Variants in KCNN4 observed in about 807,000 individuals in gnomAD.
The protein encoded by KCNN4 is intermediate conductance calcium-activated potassium channel protein 4.
Under a neutral mutation model 45.2 loss-of-function variants are expected in KCNN4, and 31 were observed. The ratio of observed to expected loss-of-function variants is 0.69; its 90% CI spans 0.52 to 0.92. The LOEUF is 0.92. Ranked by LOEUF, KCNN4 falls within the 40% of genes least tolerant of loss-of-function variation. The probability of loss-of-function intolerance (pLI) is 0.00; values close to 1 mark genes in which losing one functional copy is unlikely to be tolerated. For missense variants in KCNN4, 463 were observed against 574.0 expected (o/e 0.81, Z 1.98); for synonymous variants, 231 against 254.6 (o/e 0.91, Z 0.88).
intron 3 of KCNN4, among the ~76,000 whole-genome samples, chr19:43,773,134 T>C (rs1369604921): frequency 2.0e-5 from 3 of 152,206 alleles, no homozygotes; most frequent in African/African-American, 7.2e-5. Context: ...TGGTCTCTAC[T>C]AAAAATACAA....
Position 43,769,392 on chromosome 19 carries a change from A to T in KCNN4, c.1049+50T>A. On this transcript the variant is annotated intron_variant, in intron 6 of 8. Coordinates refer to ENST00000648319, the MANE Select transcript of KCNN4 (RefSeq NM_002250.3). This position sits in a 1 kb window ranked among gnomAD's most constrained non-coding sequence, Gnocchi z 4.4. ...ACACACACAGCCGTGCAGAGAGGTG[A>T]CTTGGACATGGGTGCACATGGACAC... 1 of 1,436,700 alleles carries T rather than the reference A, an allele frequency of 7.0e-7. No individual in the cohort carries two copies. The highest frequency in any genetic ancestry group is 9.8e-7 in the Non-Finnish European group (1 of 1,022,248). The allele number at this position is 1,436,700 out of a possible 1,614,324, so 89.0% of individuals were successfully genotyped here. A position where few individuals can be genotyped will look rare whatever the true frequency, so the allele number is the denominator to read the frequency against.
chr19:43,780,143 G>C (rs946605462), intron 1 of KCNN4, among the ~76,000 whole-genome samples: 1 of 152,018 alleles, frequency 6.6e-6, no homozygotes, highest in Admixed American at 6.5e-5. Flanking sequence ...ATTGGCTCTT[G>C]GGGGGCTTGA....
At chr19:43,776,467 G>A (rs1259022065) in intron 2 of KCNN4, 74 bp downstream of exon 2, 2 of 988,244 alleles carry the variant, frequency 2.0e-6, no homozygotes, top group African/African-American at 1.6e-5. Flanking sequence ...AGGAGGAGGA[G>A]GGTGGAAAGT....
In KCNN4 at chr19:43,772,060, A is replaced by G. The variant is rs983479464; in HGVS notation, c.759T>C (p.Tyr253=). The G allele has an allele frequency of 1.2e-6, 2 of 1,613,632 alleles. No homozygotes were observed. The highest frequency in any genetic ancestry group is 3.3e-5 in the Admixed American group (2 of 59,848). The part of the protein sequence containing the change: ...LIPITFLTIG[Y]GDVVPGTMWG... ...ACATGGTGCCCGGCACCACGTCACC[A>G]TAGCCGATGGTCAGGAATGTGATGG... The change falls in exon 4 of 9, where the codon TAT becomes TAC. Residue 253 remains tyrosine, a synonymous_variant. Coordinates refer to ENST00000648319, the MANE Select transcript of KCNN4 (RefSeq NM_002250.3). This position sits in a 1 kb window ranked among gnomAD's most constrained non-coding sequence, Gnocchi z 4.4.
intron 4 of KCNN4, among the ~76,000 whole-genome samples, chr19:43,771,418 G>T (rs1969639807): frequency 1.3e-5 from 2 of 152,306 alleles, no homozygotes; most frequent in Admixed American, 6.5e-5. Flanking sequence ...GATGAGGAAA[G>T]TGAGGCCCCG....
chr19:43,767,820 T>C (rs762303133), intron 7 of KCNN4, 113 bp from the exon 8 acceptor site: 724 of 1,284,512 alleles, frequency 5.6e-4, no homozygotes, highest in Non-Finnish European at 7.4e-4. Context: ...CTCTGAGGAT[T>C]ACCCTCGACA....
rs534069449 is a variant in KCNN4, at chr19:43,767,069, C to A, written c.*24G>T. ...ACCACCTCAGTACTGGGGAAAGTAG[C>A]CTGGTTCCTCCTCGTGGGTCCTGGA... is the stretch of plus-strand genomic sequence containing the variant. On this transcript the variant is annotated 3_prime_UTR_variant, in exon 9 of 9. Coordinates refer to ENST00000648319, the MANE Select transcript of KCNN4 (RefSeq NM_002250.3). 4 of 173,468 alleles carry A rather than the reference C, an allele frequency of 2.3e-5. No individual in the cohort carries two copies. The highest frequency in any genetic ancestry group is 2.7e-3 in the Middle Eastern group (1 of 366). 10.7% of individuals were successfully genotyped at this position (173,468 alleles called of 1,614,324 possible). A position where few individuals can be genotyped will look rare whatever the true frequency, so the allele number is the denominator to read the frequency against.
Position 43,774,546 on chromosome 19 carries a change from A to G in KCNN4, c.329T>C (p.Leu110Pro). ...LTGRQAAQIV[L>P]ELVVCGLHPA... ...GTGCAGCCCACACACCACCAGCTCC[A>G]GCACGATCTGCGCCGCCTGCCGCCC... is the stretch of plus-strand genomic sequence containing the variant. The change falls in exon 3 of 9, where the codon CTG becomes CCG. Residue 110 changes from leucine (L) to proline (P), a missense_variant. Physicochemically the swap from Leu to Pro is moderately conservative, Grantham distance 98. Around this residue, in one of 3 missense-constraint regions of KCNN4, gnomAD observed 225 missense variants for 240.9 expected, o/e 0.93. Transcript: ENST00000648319. The surrounding 1 kb of genome is among the most constrained non-coding windows in gnomAD (Gnocchi z 5.6). The G allele has an allele frequency of 6.3e-7, 1 of 1,582,628 alleles. No homozygotes were observed. The highest frequency in any genetic ancestry group is 8.5e-7 in the Non-Finnish European group (1 of 1,170,686).
chr19:43,779,310 G>T (rs531866913), intron 1 of KCNN4, among the ~76,000 whole-genome samples: 26 of 152,114 alleles, frequency 1.7e-4, no homozygotes, highest in Non-Finnish European at 3.7e-4. Flanking sequence ...TGGGAGCGGC[G>T]GGCAGGCCCC....
rs1969565578 is a variant in KCNN4, at chr19:43,769,210, A to G, written c.1050-178T>C. The G allele has an allele frequency of 2.8e-6, 2 of 724,466 alleles. No individual in the cohort carries two copies. The highest frequency in any genetic ancestry group is 2.8e-4 in the Middle Eastern group (1 of 3,522). 44.9% of individuals were successfully genotyped at this position (724,466 alleles called of 1,614,324 possible). ...TGCCTCCCCACGAGCCCCCATCCCC[A>G]GTAGAAACCCAGGTACCCAGGTCCG... is the stretch of plus-strand genomic sequence containing the variant. On this transcript the variant is annotated intron_variant, in intron 6 of 8. Coordinates refer to ENST00000648319, the MANE Select transcript of KCNN4 (RefSeq NM_002250.3). This position sits in a 1 kb window ranked among gnomAD's most constrained non-coding sequence, Gnocchi z 4.4.
At position 43,772,169 on chromosome 19, in the gene KCNN4, A is replaced by G; in HGVS notation, c.684-34T>C. 1 of 1,607,340 alleles carries G rather than the reference A, an allele frequency of 6.2e-7. No individual in the cohort carries two copies. The highest frequency in any genetic ancestry group is 8.5e-7 in the Non-Finnish European group (1 of 1,177,702). ...AAGGGTAGGTTAGTTCTAAAACCCCACCATAGAGGTTTCCATGATATTCAC... is the reference window on the plus strand; with the variant it reads ...AAGGGTAGGTTAGTTCTAAAACCCCGCCATAGAGGTTTCCATGATATTCAC... On this transcript the variant is annotated intron_variant, in intron 3 of 8. Transcript: ENST00000648319. The surrounding 1 kb of genome is among the most constrained non-coding windows in gnomAD (Gnocchi z 4.4).
chr19:43,774,631 G>C lies in KCNN4; in HGVS notation c.256-12C>G. The C allele has an allele frequency of 6.7e-7, 1 of 1,487,136 alleles. No individual in the cohort carries two copies. The highest frequency in any genetic ancestry group is 8.9e-7 in the Non-Finnish European group (1 of 1,127,416). 92.1% of individuals were successfully genotyped at this position (1,487,136 alleles called of 1,614,324 possible). ...TCGGTCATGAACAGCTGCCGGTAGGGGGCCAAGAAGGGAGGGGTCAGGAGC... is the reference window on the plus strand; with the variant it reads ...TCGGTCATGAACAGCTGCCGGTAGGCGGCCAAGAAGGGAGGGGTCAGGAGC... On this transcript the variant is annotated splice_polypyrimidine_tract_variant and intron_variant, in intron 2 of 8. Transcript: ENST00000648319. This position sits in a 1 kb window ranked among gnomAD's most constrained non-coding sequence, Gnocchi z 5.6.
chr19:43,776,816 G>A, intron 1 of KCNN4, 180 bp from the exon 2 acceptor site: 1 of 598,296 alleles, frequency 1.7e-6, no homozygotes, highest in South Asian at 1.9e-5. Flanking sequence ...CCATCATCTG[G>A]GCCCAGTGCG....
rs1447237637 is a variant in KCNN4, at chr19:43,774,419, C to T, written c.456G>A (p.Leu152=). The change falls in exon 3 of 9, where the codon CTG becomes CTA. Residue 152 remains leucine (L), a synonymous_variant. Coordinates refer to ENST00000648319, the MANE Select transcript of KCNN4 (RefSeq NM_002250.3). This position sits in a 1 kb window ranked among gnomAD's most constrained non-coding sequence, Gnocchi z 5.6. The part of the protein sequence containing the change: ...PGFLGQGEAL[L]SLAMLLRLYL... The stretch of plus-strand genomic sequence containing the variant: ...AGAGACGCAGCAGCATGGCCAGGGA[C>T]AGCAGCGCTTCCCCTTGGCCCAGGA... 3 of 1,597,186 alleles carry T rather than the reference C, an allele frequency of 1.9e-6. No individual in the cohort carries two copies. Among genetic ancestry groups the T allele is most frequent in the Non-Finnish European group, 2.6e-6 (3 of 1,172,074 alleles).
chr19:43,780,901 G>A lies in KCNN4; in HGVS notation c.-40C>T. 1 of 1,607,056 alleles carries A rather than the reference G, an allele frequency of 6.2e-7. No individual in the cohort carries two copies. The highest frequency in any genetic ancestry group is 1.1e-5 in the South Asian group (1 of 90,816). On this transcript the variant is annotated 5_prime_UTR_variant, in exon 1 of 9. Coordinates refer to ENST00000648319, the MANE Select transcript of KCNN4 (RefSeq NM_002250.3). ...TGGGGCTCAGCCAGCTTCCTGCCCA[G>A]GGTCCCCCACCTCGCAGCACGCACA...
rs1212116986 is a variant in KCNN4, at chr19:43,780,702, C to A, written c.159+1G>T. ...GCTCCCAGCCACCATGCCCCACTCA[C>A]CGAGCACCCCCCGAACCACAGCATC... On this transcript the variant is annotated splice_donor_variant, in intron 1 of 8. Transcript: ENST00000648319. LOFTEE classifies it high-confidence loss of function. 6.2e-7 allele frequency: 1 copy of A among 1,612,612 alleles called. No individual in the cohort carries two copies. The highest frequency in any genetic ancestry group is 2.2e-5 in the East Asian group (1 of 44,812).
rs1012588010 is a variant in KCNN4, at chr19:43,769,130, C to T, written c.1050-98G>A. On this transcript the variant is annotated intron_variant, in intron 6 of 8. Coordinates refer to ENST00000648319, the MANE Select transcript of KCNN4 (RefSeq NM_002250.3). This position sits in a 1 kb window ranked among gnomAD's most constrained non-coding sequence, Gnocchi z 4.4. ...AAGGGAGGAGAGGCACATGAAGAAA[C>T]AAAACAAAGAAACAAAGTTGTCGAA... is the stretch of plus-strand genomic sequence containing the variant. 9.7e-6 allele frequency: 13 copies of T among 1,337,940 alleles called. No homozygotes were observed. The highest frequency in any genetic ancestry group is 1.4e-5 in the Non-Finnish European group (13 of 931,368). 82.9% of individuals were successfully genotyped at this position (1,337,940 alleles called of 1,614,324 possible). A position where few individuals can be genotyped will look rare whatever the true frequency, so the allele number is the denominator to read the frequency against.
In KCNN4 at chr19:43,769,081, T is replaced by C; in HGVS notation, c.1050-49A>G. The C allele has an allele frequency of 6.4e-7, 1 of 1,574,448 alleles. No individual in the cohort carries two copies. ...GTTTTACAAGCCTGGTCCCTGAATG[T>C]AGCTGTAGCTCAGGGGAGGAATGAA... On this transcript the variant is annotated intron_variant, in intron 6 of 8. Transcript: ENST00000648319. This position sits in a 1 kb window ranked among gnomAD's most constrained non-coding sequence, Gnocchi z 4.4.
chr19:43,773,662 G>C (rs778901768), intron 3 of KCNN4, among the ~76,000 whole-genome samples: 14 of 152,190 alleles, frequency 9.2e-5, no homozygotes, highest in Non-Finnish European at 1.9e-4. Flanking sequence ...TAGAAATTGA[G>C]GCGCGGCATC....
Sources: gnomAD v4.1 joint callset for allele counts (sites outside exome capture counted in the v4.1 genomes callset) on GRCh38, gnomAD v4.1.1 for gene constraint, gnomAD v4.1.1 regional missense constraint, Gnocchi (gnomAD v3.1) non-coding constraint, MANE v1.5 for transcripts, NCBI Gene and HGNC (gene_info 2026-07-23, HGNC 2026-07-21) for gene names.